Variants in RMDN3 observed in about 807,000 individuals in gnomAD.
The protein encoded by RMDN3 is regulator of microtubule dynamics protein 3.
In RMDN3, 41 loss-of-function variants were observed where a neutral mutation model predicts 61.8. The observed-to-expected ratio is 0.66, with a 90% CI of 0.52 to 0.86. The LOEUF is 0.86. RMDN3 is among the 40% of genes least tolerant of loss of function. The pLI, the probability that RMDN3 is intolerant of heterozygous loss-of-function variation, is 0.00. For missense variants in RMDN3, 557 were observed against 585.3 expected, an observed-to-expected ratio of 0.95 and a Z score of 0.50; for synonymous variants, 247 against 232.0, an observed-to-expected ratio of 1.06 and a Z score of -0.59.
chr15:40,738,375 CTG>C (rs1191714685), intron 8 of RMDN3, 124 bp downstream of exon 8: 13 of 843,768 alleles, frequency 1.5e-5, no homozygotes, highest in Non-Finnish European at 2.4e-5. Flanking sequence ...GAGTGAGACT[CTG>C]TCTCAAAAAA....
chr15:40,754,884 C>T lies in RMDN3; in HGVS notation c.-7-94G>A, dbSNP rs948972614. ...TTCGTGAACCCGGTAAACCCACCCT[C>T]AAGGCTGAACCCCGGCAGGTATCCC... On this transcript the variant is annotated intron_variant, in intron 1 of 12. Coordinates refer to ENST00000338376, the MANE Select transcript of RMDN3 (RefSeq NM_018145.3). 24 of 1,056,230 alleles carry T rather than the reference C, an allele frequency of 2.3e-5. No homozygotes were observed. The Admixed American group carries it at 5.4e-4, about 24-fold the overall frequency. The allele number at this position is 1,056,230 out of a possible 1,614,324, so 65.4% of individuals were successfully genotyped here.
intron 6 of RMDN3, 45 bp downstream of exon 6, chr15:40,744,002 C>T (rs376809191): frequency 1.9e-5 from 29 of 1,543,384 alleles, no homozygotes; most frequent in Non-Finnish European, 2.5e-5. Context: ...AGCCCCACCC[C>T]TGAATCAGTC....
chr15:40,748,436 C>A (rs553903290), intron 4 of RMDN3, among the ~76,000 whole-genome samples: 2 of 152,164 alleles, frequency 1.3e-5, no homozygotes, highest in Non-Finnish European at 2.9e-5. Context: ...AGCCTGAAGG[C>A]GCTATAATTA....
chr15:40,745,032 C>T lies in RMDN3; in HGVS notation c.752G>A (p.Gly251Asp), dbSNP rs747922204. ...LLQQADELHR[G>D]DEQGKREGFQ... ...GCCCTCCCGCTTGCCTTGCTCATCA[C>T]CCCTGTGCAGCTCGTCGGCCTGCTG... is the stretch of plus-strand genomic sequence containing the variant. The change falls in exon 5 of 13, where the codon GGT becomes GAT. Residue 251 changes from glycine to aspartate, a missense_variant. Gly to Asp is a moderately conservative substitution (Grantham distance 94). Transcript: ENST00000338376. 1.3e-5 allele frequency: 21 copies of T among 1,614,000 alleles called. No individual in the cohort carries two copies. In the Admixed American group the frequency reaches 3.3e-4, roughly 26 times the overall value.
chr15:40,742,885 G>A (rs1388509715), intron 6 of RMDN3, among the ~76,000 whole-genome samples: 1 of 152,126 alleles, frequency 6.6e-6, no homozygotes, highest in Non-Finnish European at 1.5e-5. Flanking sequence ...AATTTAGGAG[G>A]GAAAACAAAC....
In RMDN3 at chr15:40,736,548, C is replaced by A. The variant is rs370466451; in HGVS notation, c.1406G>T (p.Arg469Leu). The A allele has an allele frequency of 2.5e-6, 4 of 1,613,832 alleles. No individual in the cohort carries two copies. The African/African-American group carries it at 4.0e-5, about 16-fold the overall frequency. The change falls in exon 13 of 13, where the codon CGA (arginine) becomes CTA (leucine). Residue 469 changes from arginine to leucine, a missense_variant. By Grantham distance (102) the Arg-to-Leu change is moderately radical. Transcript: ENST00000338376. ...KDLEELEVIL[R>L]D ...AAGGCCAGTGAAACGTGGTTAGTCT[C>A]GTAAAATGACTTCCAGTTCTTCCAG...
intron 6 of RMDN3, among the ~76,000 whole-genome samples, chr15:40,741,710 A>G (rs1479738234): frequency 7.1e-6 from 1 of 140,078 alleles, no homozygotes; most frequent in African/African-American, 2.7e-5. Flanking sequence ...GCTCACCGCA[A>G]CCTCCGCCTC....
At chr15:40,739,690 A>C (rs1289835449) in intron 7 of RMDN3, 1 of 162,506 alleles carries the variant, frequency 6.2e-6, no homozygotes, top group African/African-American at 2.4e-5. Flanking sequence ...ATTGACCACT[A>C]AACTTCTGGG....
chr15:40,752,677 G>T (rs1410370423), intron 2 of RMDN3, among the ~76,000 whole-genome samples: 1 of 152,124 alleles, frequency 6.6e-6, no homozygotes, highest in Non-Finnish European at 1.5e-5. Flanking sequence ...AGGACTAGGA[G>T]AAAGGGGGCA....
At chr15:40,743,821 C>T (rs1261081882) in intron 6 of RMDN3, among the ~76,000 whole-genome samples, 5 of 152,246 alleles carry the variant, frequency 3.3e-5, no homozygotes, top group Non-Finnish European at 5.9e-5. Context: ...CCTAGAAACA[C>T]ATGCACGTGT....
Position 40,736,118 on chromosome 15 carries a change from G to A in RMDN3, c.*423C>T, listed in dbSNP as rs1897029948. The A allele has an allele frequency of 2.5e-5, 4 of 158,596 alleles. No individual in the cohort carries two copies. Among genetic ancestry groups the A allele is most frequent in the Non-Finnish European group, 5.5e-5 (4 of 72,640 alleles). The allele number at this position is 158,596 out of a possible 1,614,324, so 9.8% of individuals were successfully genotyped here. ...CTGATCCCTCTTTTTACCTTGGTAGGTAAGGTATGATCTTAAGACTATATG... is the reference window on the plus strand; with the variant it reads ...CTGATCCCTCTTTTTACCTTGGTAGATAAGGTATGATCTTAAGACTATATG... On this transcript the variant is annotated 3_prime_UTR_variant, in exon 13 of 13. Coordinates refer to ENST00000338376, the MANE Select transcript of RMDN3 (RefSeq NM_018145.3).
Position 40,736,350 on chromosome 15 carries a change from G to A in RMDN3, c.*191C>T, listed in dbSNP as rs527611866. The A allele has an allele frequency of 2.6e-5, 15 of 575,964 alleles. No individual in the cohort carries two copies. The highest frequency in any genetic ancestry group is 1.9e-4 in the African/African-American group (10 of 52,356). 35.7% of individuals were successfully genotyped at this position (575,964 alleles called of 1,614,324 possible). A position where few individuals can be genotyped will look rare whatever the true frequency, so the allele number is the denominator to read the frequency against. ...AGAACAACAGAAACGGAAGCCATGA[G>A]TACTGCCCCAATTCTAGATTAGGTT... is the stretch of plus-strand genomic sequence containing the variant. On this transcript the variant is annotated 3_prime_UTR_variant, in exon 13 of 13. Transcript: ENST00000338376.
At chr15:40,742,346 TCTAC>T (rs1307122519) in intron 6 of RMDN3, among the ~76,000 whole-genome samples, 13 of 152,122 alleles carry the variant, frequency 8.5e-5, no homozygotes, top group African/African-American at 3.1e-4. Flanking sequence ...TGTGAAAGAC[TCTAC>T]CTCTCTTCCC....
At chr15:40,738,952 A>G (rs1253974402) in intron 7 of RMDN3, 1 of 187,792 alleles carries the variant, frequency 5.3e-6, no homozygotes, top group Non-Finnish European at 1.1e-5. Context: ...TGACTATACT[A>G]CTTATCTTCT....
rs373391282 is a variant in RMDN3 at position 40,748,064 on chromosome 15, T to C, written c.525-2805A>G. On this transcript the variant is annotated intron_variant, in intron 4 of 12. Transcript: ENST00000338376. The stretch of plus-strand genomic sequence containing the variant: ...CAGAGGGAACTCAAGCTGTGTTTGG[T>C]ACAATGCCCGGGGAACAAGCTCACA... Among the ~76,000 whole-genome samples the C allele has an allele frequency of 2.6e-5, 4 of 152,162 alleles. No homozygotes were observed. The East Asian group carries it at 5.8e-4, about 22-fold the overall frequency.
chr15:40,751,677 G>A (rs1214115755), intron 3 of RMDN3, 108 bp from the exon 4 acceptor site: 2 of 1,511,172 alleles, frequency 1.3e-6, no homozygotes, highest in Admixed American at 3.4e-5. Flanking sequence ...AGGGCTAAAA[G>A]CAGAGAAAAT....
At chr15:40,744,722 G>C (rs1897438332) in intron 5 of RMDN3, among the ~76,000 whole-genome samples, 1 of 152,032 alleles carries the variant, frequency 6.6e-6, no homozygotes, top group South Asian at 2.1e-4. Context: ...AGAAAGCAGA[G>C]AACTACACTC....
At chr15:40,744,217 T>G (rs1300484158) in intron 5 of RMDN3, 68 bp from the exon 6 acceptor site, 2 of 1,421,044 alleles carry the variant, frequency 1.4e-6, no homozygotes, top group Non-Finnish European at 2.0e-6. Flanking sequence ...GCCTTGGCCT[T>G]CCCCCACACC....
At chr15:40,745,675 A>G (rs1897508477) in intron 4 of RMDN3, among the ~76,000 whole-genome samples, 1 of 152,058 alleles carries the variant, frequency 6.6e-6, no homozygotes. Flanking sequence ...AGAAATCATT[A>G]TTTGAGAGAA....
Sources: allele counts gnomAD v4.1 joint callset (sites outside exome capture counted in the v4.1 genomes callset), GRCh38; gene constraint gnomAD v4.1.1; transcripts MANE v1.5; gene names NCBI Gene and HGNC (gene_info 2026-07-23, HGNC 2026-07-21).